DLC1: variants seen among roughly 807,000 people sequenced by gnomAD.
The protein encoded by DLC1 is DLC1 Rho GTPase activating protein.
Under a neutral mutation model 140.3 loss-of-function variants are expected in DLC1, and 54 were observed. The observed-to-expected ratio is 0.38, with a 90% CI of 0.31 to 0.48. DLC1 has a LOEUF of 0.48. Ranked by LOEUF, DLC1 falls within the 20% of genes least tolerant of loss-of-function variation. The probability of loss-of-function intolerance (pLI) is 0.96; values close to 1 mark genes in which losing one functional copy is unlikely to be tolerated. For synonymous variants in DLC1, 986 were observed against 728.1 expected (o/e 1.35, Z -5.70); for missense variants, 2,536 against 1,907.0 (o/e 1.33, Z -6.14).
At chr8:13,399,895 C>A (rs958537816) in intron 3 of DLC1, among the ~76,000 whole-genome samples, 1 of 151,994 alleles carries the variant, frequency 6.6e-6, no homozygotes, top group African/African-American at 2.4e-5. Flanking sequence ...CTTGTTCTTC[C>A]TGCTGATCTA....
chr8:13,398,827 T>G (rs1024003752), intron 3 of DLC1, among the ~76,000 whole-genome samples: 2 of 152,034 alleles, frequency 1.3e-5, no homozygotes. Flanking sequence ...AACACATCTT[T>G]GATTGATGTT....
At chr8:13,376,524 G>C (rs1225075737) in intron 4 of DLC1, among the ~76,000 whole-genome samples, 1 of 152,146 alleles carries the variant, frequency 6.6e-6, no homozygotes, top group South Asian at 2.1e-4. Context: ...TTAAATATGG[G>C]AAAGGCAATA....
chr8:13,187,152 C>CTT (rs35092529), intron 5 of DLC1, among the ~76,000 whole-genome samples: 6 of 151,762 alleles, frequency 4.0e-5, no homozygotes, highest in East Asian at 2.0e-4. Context: ...CCCTGCTTTA[C>CTT]TTTTTTTTCC....
At chr8:13,209,007 A>G (rs549056251) in intron 5 of DLC1, among the ~76,000 whole-genome samples, 201 of 152,302 alleles carry the variant, frequency 1.3e-3, no homozygotes, top group African/African-American at 4.5e-3. Flanking sequence ...AATGTTAAAG[A>G]AGATGAAAAT....
chr8:13,590,077 A>ATATATATATATATATATATAT (rs11272767), intron 1 of DLC1, among the ~76,000 whole-genome samples: 1 of 145,192 alleles, frequency 6.9e-6, no homozygotes, highest in Non-Finnish European at 1.5e-5. Context: ...ATATATATAT[A>ATATATATATATATATATATAT]CAAACACATG....
intron 4 of DLC1, among the ~76,000 whole-genome samples, chr8:13,352,185 C>A: frequency 6.6e-6 from 1 of 152,342 alleles, no homozygotes; most frequent in South Asian, 2.1e-4. Context: ...TTGGCAGCCA[C>A]ATGGTGCACG....
At position 13,092,757 on chromosome 8, in the gene DLC1, C is replaced by G. The variant is rs751118826; in HGVS notation, c.3595G>C (p.Glu1199Gln). 9 of 1,614,026 alleles carry G rather than the reference C, an allele frequency of 5.6e-6. No homozygotes were observed. The South Asian group carries it at 8.8e-5, about 16-fold the overall frequency. ...AAATAAAGCAGGGTCTGCAGAACCTCCCGGTTCTCGTCAGGCAGCAGCATG... is the reference window on the plus strand; with the variant it reads ...AAATAAAGCAGGGTCTGCAGAACCTGCCGGTTCTCGTCAGGCAGCAGCATG... Reference protein sequence around the residue: ...AIMLLPDENREVLQTLLYFLS... With the variant: ...AIMLLPDENRQVLQTLLYFLS... Residue 1199 changes from glutamate to glutamine, a missense_variant, in exon 13 of 18, where the codon GAG (glutamate) becomes CAG (glutamine). Transcript: ENST00000276297.
chr8:13,490,245 T>C (rs947792903), intron 2 of DLC1, among the ~76,000 whole-genome samples: 4 of 152,194 alleles, frequency 2.6e-5, no homozygotes, highest in Admixed American at 2.6e-4. Flanking sequence ...GCTCAAAAAA[T>C]AGAAGTGAAA....
rs142259761 is a variant in DLC1 at position 13,563,510 on chromosome 8, G to A, written c.-126+41027C>T. Among the ~76,000 whole-genome samples the A allele has an allele frequency of 2.0e-3, 297 of 152,246 alleles. 1 individual carries two copies. Among genetic ancestry groups the A allele is most frequent in the African/African-American group, 6.9e-3 (287 of 41,558 alleles). ...CCAGAAAGAATCAGCTCCTCACAGC[G>A]AGATTCCTGGCATCTTTAACTTAGT... On this transcript the variant is annotated intron_variant, in intron 1 of 1. Transcript: ENST00000631382.
At chr8:13,350,763 G>A (rs1024011055) in intron 4 of DLC1, among the ~76,000 whole-genome samples, 16 of 152,076 alleles carry the variant, frequency 1.1e-4, no homozygotes, top group African/African-American at 3.9e-4. Context: ...CAGAAGGTTT[G>A]TTTCTAAATG....
chr8:13,152,191 A>G (rs966040495), intron 5 of DLC1, among the ~76,000 whole-genome samples: 1 of 152,228 alleles, frequency 6.6e-6, no homozygotes, highest in Admixed American at 6.5e-5. Flanking sequence ...AGCCTTCAAA[A>G]AGTGGCAGCA....
At chr8:13,594,228 A>G (rs1805614414) in intron 1 of DLC1, among the ~76,000 whole-genome samples, 1 of 152,098 alleles carries the variant, frequency 6.6e-6, no homozygotes, top group African/African-American at 2.4e-5. Flanking sequence ...AAACAAATAT[A>G]AGACTGTCTG....
intron 5 of DLC1, among the ~76,000 whole-genome samples, chr8:13,181,526 C>T (rs1489234379): frequency 1.4e-5 from 2 of 144,598 alleles, no homozygotes; most frequent in Admixed American, 7.2e-5. Flanking sequence ...GTGATGTTTC[C>T]CACCTTGTGT....
chr8:13,118,874 C>CT (rs1438583454), intron 5 of DLC1, among the ~76,000 whole-genome samples: 1 of 152,122 alleles, frequency 6.6e-6, no homozygotes, highest in African/African-American at 2.4e-5. Context: ...ATCAAACTTT[C>CT]TGAGTTACAG....
chr8:13,207,075 T>C (rs964508714), intron 5 of DLC1, among the ~76,000 whole-genome samples: 2 of 152,198 alleles, frequency 1.3e-5, no homozygotes, highest in African/African-American at 4.8e-5. Context: ...TTTGGAAATG[T>C]GTATATTGTT....
At chr8:13,127,714 TA>T (rs1343738895) in intron 5 of DLC1, among the ~76,000 whole-genome samples, 1 of 152,210 alleles carries the variant, frequency 6.6e-6, no homozygotes, top group Non-Finnish European at 1.5e-5. Flanking sequence ...TGGGAAATGC[TA>T]CCACCCCAGG....
intron 5 of DLC1, among the ~76,000 whole-genome samples, chr8:13,169,062 A>G (rs897994719): frequency 2.6e-5 from 4 of 152,258 alleles, no homozygotes; most frequent in African/African-American, 7.2e-5. Flanking sequence ...GTACATAGGC[A>G]TCTATCTTCA....
intron 1 of DLC1, among the ~76,000 whole-genome samples, chr8:13,575,064 T>C (rs1008380713): frequency 1.3e-5 from 2 of 152,228 alleles, no homozygotes; most frequent in Non-Finnish European, 2.9e-5. Context: ...GTTGAATTTC[T>C]GTTCTTAGTT....
chr8:13,159,857 GAAAAAA>G (rs556824574), intron 5 of DLC1, among the ~76,000 whole-genome samples: 2 of 120,746 alleles, frequency 1.7e-5, no homozygotes, highest in Non-Finnish European at 3.5e-5. Flanking sequence ...AACCTGGTTT[GAAAAAA>G]AAAAAAAAAG....
Sources: allele counts gnomAD v4.1 joint callset (sites outside exome capture counted in the v4.1 genomes callset), GRCh38; gene constraint gnomAD v4.1.1; transcripts MANE v1.5; gene names NCBI Gene and HGNC (gene_info 2026-07-23, HGNC 2026-07-21).